Variants in LYPD5 observed in about 807,000 individuals in gnomAD.
LYPD5 encodes ly6/PLAUR domain-containing protein 5.
Under a neutral mutation model 19.1 loss-of-function variants are expected in LYPD5, and 21 were observed. That is an observed-to-expected ratio of 1.10 (90% confidence interval 0.78 to 1.58). The LOEUF is 1.58. Ranked by LOEUF, LYPD5 falls within the 40% of genes most tolerant of loss-of-function variation. The pLI is 0.00. For synonymous variants in LYPD5, 128 were observed against 142.7 expected (o/e 0.90, Z 0.74); for missense variants, 287 against 329.8 (o/e 0.87, Z 1.00).
chr19:43,805,760 G>A (rs1479360834), upstream of LYPD5, among the ~76,000 whole-genome samples: 3 of 152,064 alleles, frequency 2.0e-5, no homozygotes, highest in East Asian at 1.9e-4. Flanking sequence ...CACCCGCCTC[G>A]GCCTCCCAAA....
At position 43,809,019 on chromosome 19, in the gene LYPD5, C is replaced by G. The variant is rs1037683107; in HGVS notation, c.-65-9185G>C. Among the ~76,000 whole-genome samples the G allele has an allele frequency of 2.6e-5, 4 of 151,998 alleles. No homozygotes were observed. In the East Asian group the frequency reaches 7.7e-4, roughly 29 times the overall value. ...TTCTTTGTGGATGATTAATGGTAAC[C>G]GGATATTAGTTTGTTGTGTTATTGT... On this transcript the variant is annotated intron_variant, in intron 1 of 4. Transcript: ENST00000414615.
intron 1 of LYPD5, among the ~76,000 whole-genome samples, chr19:43,813,852 T>C (rs1286874305): frequency 2.6e-5 from 4 of 152,134 alleles, no homozygotes; most frequent in Non-Finnish European, 4.4e-5. Flanking sequence ...CAAGCCCGGC[T>C]AATTTTTGTA....
At chr19:43,816,079 T>C (rs1970373436) in intron 1 of LYPD5, among the ~76,000 whole-genome samples, 1 of 149,090 alleles carries the variant, frequency 6.7e-6, no homozygotes, top group African/African-American at 2.5e-5. Flanking sequence ...TCTATCTATC[T>C]ACCTATCATG....
rs1970126170 is a variant in LYPD5 at position 43,796,144 on chromosome 19, T to TCACCACCTCCCAAAGG, written c.*1431_*1446dup. 6.6e-6 allele frequency: 1 copy of TCACCACCTCCCAAAGG among 152,204 alleles called. No homozygotes were observed. The highest frequency in any genetic ancestry group is 2.4e-5 in the African/African-American group (1 of 41,444). 9.4% of individuals were successfully genotyped at this position (152,204 alleles called of 1,614,324 possible). ...TCATGGGGGCTCCACCCTCATGATC[T>TCACCACCTCCCAAAGG]CACCACCTCCCAAAGGCCCCACCTC... On this transcript the variant is annotated 3_prime_UTR_variant, in exon 5 of 5. Coordinates refer to ENST00000377950, the MANE Select transcript of LYPD5 (RefSeq NM_001031749.3).
In LYPD5 at chr19:43,819,283, CTT is replaced by C. The variant is rs560659624; in HGVS notation, c.-66+1255_-66+1256del. 1.9e-3 allele frequency among the ~76,000 whole-genome samples: 207 copies of C among 110,516 alleles called. 2 individuals carry two copies. The highest frequency in any genetic ancestry group is 6.1e-3 in the African/African-American group (180 of 29,454). 72.5% of individuals were successfully genotyped at this position (110,516 alleles called of 152,430 possible). A position where few individuals can be genotyped will look rare whatever the true frequency, so the allele number is the denominator to read the frequency against. On this transcript the variant is annotated intron_variant, in intron 1 of 4. Transcript: ENST00000414615. ...TCATTTTTCCCTTCTTCTTCTTCTT[CTT>C]TTTTTTTTTTTTTTTTTGAGATGGA...
intron 1 of LYPD5, among the ~76,000 whole-genome samples, chr19:43,813,250 T>G (rs1970341972): frequency 6.6e-6 from 1 of 152,074 alleles, no homozygotes; most frequent in African/African-American, 2.4e-5. Context: ...CCCTGCATGG[T>G]GCCCTCCCAC....
intron 1 of LYPD5, chr19:43,815,629 AAG>A (rs1005531020): frequency 1.6e-5 from 3 of 185,334 alleles, no homozygotes; most frequent in African/African-American, 7.9e-5. Flanking sequence ...CTATTAAAAA[AAG>A]AGAAAAAAAG....
At chr19:43,812,436 T>C (rs1213723328) in intron 1 of LYPD5, among the ~76,000 whole-genome samples, 2 of 152,162 alleles carry the variant, frequency 1.3e-5, no homozygotes, top group African/African-American at 2.4e-5. Flanking sequence ...ATCTTTATCA[T>C]CTATTATTTG....
chr19:43,816,060 AT>A (rs1970371998), intron 1 of LYPD5, among the ~76,000 whole-genome samples: 1 of 151,822 alleles, frequency 6.6e-6, no homozygotes, highest in Non-Finnish European at 1.5e-5. Context: ...CTATCTATCT[AT>A]CTATCTATCT....
chr19:43,806,660 C>CAACAA (rs149155466), upstream of LYPD5, among the ~76,000 whole-genome samples: 17,046 of 150,972 alleles, frequency 0.11, 2,218 homozygotes, highest in African/African-American at 0.32. Context: ...GACACCGTCT[C>CAACAA]AACAAAACAA....
intron 1 of LYPD5, among the ~76,000 whole-genome samples, chr19:43,817,637 T>G (rs987810958): frequency 6.6e-6 from 1 of 152,298 alleles, no homozygotes; most frequent in South Asian, 2.1e-4. Context: ...TTGATGATGA[T>G]GCAATCTCTG....
intron 2 of LYPD5, 52 bp downstream of exon 2, chr19:43,799,654 C>A (rs1970194870): frequency 1.3e-6 from 2 of 1,559,788 alleles, no homozygotes; most frequent in Non-Finnish European, 1.7e-6. Flanking sequence ...CCCCTCTCCC[C>A]CCTTTTTCCT....
intron 1 of LYPD5, among the ~76,000 whole-genome samples, chr19:43,801,733 T>C (rs1020122548): frequency 2.0e-5 from 3 of 152,188 alleles, no homozygotes; most frequent in African/African-American, 7.2e-5. Flanking sequence ...ATACTGAACC[T>C]GGACACATAC....
chr19:43,803,273 G>C (rs1970244066), upstream of LYPD5, among the ~76,000 whole-genome samples: 1 of 152,220 alleles, frequency 6.6e-6, no homozygotes, highest in South Asian at 2.1e-4. Flanking sequence ...AGATACAGCA[G>C]ACAACCAGAG....
upstream of LYPD5, among the ~76,000 whole-genome samples, chr19:43,805,768 A>G (rs1388960196): frequency 6.6e-6 from 1 of 152,182 alleles, no homozygotes; most frequent in Non-Finnish European, 1.5e-5. Context: ...TCGGCCTCCC[A>G]AAGTGCTGGG....
At chr19:43,813,562 G>C (rs1332327439) in intron 1 of LYPD5, among the ~76,000 whole-genome samples, 1 of 152,306 alleles carries the variant, frequency 6.6e-6, no homozygotes, top group East Asian at 1.9e-4. Flanking sequence ...TGGCCACTCT[G>C]TTCATGAGAC....
chr19:43,806,720 C>T (rs1385352490), upstream of LYPD5, among the ~76,000 whole-genome samples: 1 of 152,002 alleles, frequency 6.6e-6, no homozygotes, highest in Non-Finnish European at 1.5e-5. Flanking sequence ...CTCACTGATT[C>T]TACATTATGG....
At chr19:43,800,938 G>A (rs1027903082) in intron 1 of LYPD5, among the ~76,000 whole-genome samples, 1 of 146,342 alleles carries the variant, frequency 6.8e-6, no homozygotes, top group Admixed American at 6.8e-5. Flanking sequence ...TCCAGCCTGG[G>A]CGGCGACAGA....
In LYPD5 at chr19:43,817,744, G is replaced by A. The variant is rs1383810122; in HGVS notation, c.-66+2796C>T. Among the ~76,000 whole-genome samples, 3 of 150,022 alleles carry A rather than the reference G, an allele frequency of 2.0e-5. No homozygotes were observed. In the East Asian group the frequency reaches 5.9e-4, roughly 29 times the overall value. On this transcript the variant is annotated intron_variant, in intron 1 of 4. Transcript: ENST00000414615. ...TTATTTTTTTTTTTTTTGAGATGGA[G>A]TCTCACTCTGTCACCAGGCTGGAGT...
Sources: gnomAD v4.1 joint callset for allele counts (sites outside exome capture counted in the v4.1 genomes callset) on GRCh38, gnomAD v4.1.1 for gene constraint, MANE v1.5 for transcripts, NCBI Gene and HGNC (gene_info 2026-07-23, HGNC 2026-07-21) for gene names.